GABRB3: variants seen among roughly 807,000 people sequenced by gnomAD.
The protein encoded by GABRB3 is gamma-aminobutyric acid receptor subunit beta-3.
GABRB3 carries 14 observed loss-of-function variants against 52.1 expected under a neutral mutation model. That is an observed-to-expected ratio of 0.27 (90% CI 0.18 to 0.42). The LOEUF is 0.42. Ranked by LOEUF, GABRB3 falls within the 10% of genes least tolerant of loss-of-function variation. The probability of loss-of-function intolerance (pLI) is 1.00; values close to 1 mark genes in which losing one functional copy is unlikely to be tolerated. For missense variants in GABRB3, 307 were observed against 609.1 expected, an observed-to-expected ratio of 0.50 and a Z score of 5.22; for synonymous variants, 260 against 232.3, an observed-to-expected ratio of 1.12 and a Z score of -1.08.
chr15:26,576,091 T>C (rs149098874), intron 6 of GABRB3, among the ~76,000 whole-genome samples: 360 of 152,362 alleles, frequency 2.4e-3, no homozygotes, highest in Middle Eastern at 0.01. Context: ...TGTTGATCAG[T>C]GTGTTCACAG....
chr15:26,672,040 T>C (rs1316466634), intron 3 of GABRB3, among the ~76,000 whole-genome samples: 3 of 152,302 alleles, frequency 2.0e-5, no homozygotes, highest in East Asian at 1.9e-4. Context: ...TTACCCTGTA[T>C]CCTTCTTGTT....
At chr15:26,610,051 G>C (rs72702187) in intron 4 of GABRB3, among the ~76,000 whole-genome samples, 14,264 of 152,128 alleles carry the variant, frequency 0.094, 781 homozygotes, top group Admixed American at 0.16. Context: ...ACCACATCTG[G>C]ACAATGAGAG....
chr15:26,578,228 C>T (rs909389930), intron 6 of GABRB3, among the ~76,000 whole-genome samples: 1 of 152,208 alleles, frequency 6.6e-6, no homozygotes, highest in African/African-American at 2.4e-5. Context: ...ATCTTTAGAA[C>T]ACTGCAACTT....
At chr15:26,711,907 C>G (rs796083939) in intron 3 of GABRB3, among the ~76,000 whole-genome samples, 37 of 152,314 alleles carry the variant, frequency 2.4e-4, no homozygotes, top group African/African-American at 8.9e-4. Flanking sequence ...GGAAAAGCTG[C>G]TTTGGAAACA....
intron 3 of GABRB3, among the ~76,000 whole-genome samples, chr15:26,718,412 TG>T (rs1432301762): frequency 6.6e-6 from 1 of 152,176 alleles, no homozygotes; most frequent in African/African-American, 2.4e-5. Context: ...TTTCTCCATG[TG>T]GGTCAGGCTG....
chr15:26,636,142 C>G (rs990419861), intron 3 of GABRB3, among the ~76,000 whole-genome samples: 1 of 152,116 alleles, frequency 6.6e-6, no homozygotes, highest in African/African-American at 2.4e-5. Context: ...AGCACAGTGC[C>G]GAAGGAGGGA....
At position 26,627,208 on chromosome 15, in the gene GABRB3, T is replaced by A. The variant is rs565696064; in HGVS notation, c.241-5674A>T. ...TTAACCCACAGTTGAGACCTTCTGCTCAGAAAAAACATTCCTTTCAAAATG... is the reference window on the plus strand; with the variant it reads ...TTAACCCACAGTTGAGACCTTCTGCACAGAAAAAACATTCCTTTCAAAATG... On this transcript the variant is annotated intron_variant, in intron 3 of 8. Transcript: ENST00000311550. Among the ~76,000 whole-genome samples, 618 of 145,808 alleles carry A rather than the reference T, an allele frequency of 4.2e-3. 3 individuals carry two copies. Among genetic ancestry groups the A allele is most frequent in the African/African-American group, 0.015 (599 of 39,464 alleles).
intron 3 of GABRB3, among the ~76,000 whole-genome samples, chr15:26,702,386 A>C (rs1171760997): frequency 6.6e-6 from 1 of 152,144 alleles, no homozygotes; most frequent in Admixed American, 6.5e-5. Flanking sequence ...TAAGGAAATA[A>C]ACAACTCCAT....
At chr15:26,647,034 G>A (rs965639617) in intron 3 of GABRB3, among the ~76,000 whole-genome samples, 2 of 151,990 alleles carry the variant, frequency 1.3e-5, no homozygotes, top group Admixed American at 6.6e-5. Flanking sequence ...TAGTATAGAC[G>A]GGGTTTCACC....
At chr15:26,570,492 C>T (rs544660475) in intron 6 of GABRB3, among the ~76,000 whole-genome samples, 1 of 152,310 alleles carries the variant, frequency 6.6e-6, no homozygotes, top group East Asian at 1.9e-4. Flanking sequence ...ATGCCACAGT[C>T]AAAATCTTCT....
At chr15:26,636,140 G>T (rs959286843) in intron 3 of GABRB3, among the ~76,000 whole-genome samples, 6 of 152,206 alleles carry the variant, frequency 3.9e-5, no homozygotes, top group African/African-American at 7.2e-5. Flanking sequence ...CAAGCACAGT[G>T]CCGAAGGAGG....
intron 3 of GABRB3, among the ~76,000 whole-genome samples, chr15:26,684,311 A>C (rs1888333229): frequency 6.6e-6 from 1 of 152,158 alleles, no homozygotes; most frequent in South Asian, 2.1e-4. Flanking sequence ...CGCAGGGTGG[A>C]GGTCTGGTGG....
rs1481075941 is a variant in GABRB3 at position 26,556,894 on chromosome 15, C to T, written c.1080+4038G>A. 1.2e-4 allele frequency among the ~76,000 whole-genome samples: 19 copies of T among 152,046 alleles called. 2 individuals are homozygous for T. The South Asian group carries it at 2.1e-3, about 17-fold the overall frequency. Reference sequence around the variant, plus strand: ...CAAGAAAGACAATGACAAGCCAAGTCCCTGCTGTGGAGCCAGCAGCTGTCA... The same window carrying T: ...CAAGAAAGACAATGACAAGCCAAGTTCCTGCTGTGGAGCCAGCAGCTGTCA... On this transcript the variant is annotated intron_variant, in intron 8 of 8. Transcript: ENST00000311550.
intron 3 of GABRB3, among the ~76,000 whole-genome samples, chr15:26,683,347 G>A (rs1198082097): frequency 7.0e-6 from 1 of 143,804 alleles, no homozygotes; most frequent in Non-Finnish European, 1.5e-5. Context: ...GCACCCACCT[G>A]GAGTTTCAGA....
intron 5 of GABRB3, 93 bp downstream of exon 5, chr15:26,583,239 A>C (rs1182553828): frequency 1.9e-6 from 2 of 1,030,230 alleles, no homozygotes; most frequent in Non-Finnish European, 3.0e-6. Context: ...ATGTCAAAAA[A>C]ATTATGGATG....
At chr15:26,635,048 A>G (rs1055663713) in intron 3 of GABRB3, among the ~76,000 whole-genome samples, 13 of 134,944 alleles carry the variant, frequency 9.6e-5, no homozygotes, top group Non-Finnish European at 1.9e-4. Flanking sequence ...GAGAGACTTT[A>G]TATGTTGAAA....
intron 3 of GABRB3, among the ~76,000 whole-genome samples, chr15:26,653,305 C>T (rs781419886): frequency 2.0e-5 from 3 of 152,164 alleles, no homozygotes; most frequent in Non-Finnish European, 4.4e-5. Context: ...TGGATAACAT[C>T]ACTATTGTAA....
Position 26,547,706 on chromosome 15 carries a change from G to A in GABRB3, c.*87C>T. On this transcript the variant is annotated 3_prime_UTR_variant, in exon 9 of 9. Coordinates refer to ENST00000311550, the MANE Select transcript of GABRB3 (RefSeq NM_000814.6). The stretch of plus-strand genomic sequence containing the variant: ...TATGTGTGTGTCTGCTTGTGTGTCT[G>A]TGTGTGTACAGGTATAAAAACTTGA... The A allele has an allele frequency of 1.0e-6, 1 of 976,972 alleles. No individual in the cohort carries two copies. Among genetic ancestry groups the A allele is most frequent in the Admixed American group, 1.8e-5 (1 of 56,988 alleles). 60.5% of individuals were successfully genotyped at this position (976,972 alleles called of 1,614,324 possible). A position where few individuals can be genotyped will look rare whatever the true frequency, so the allele number is the denominator to read the frequency against.
intron 3 of GABRB3, among the ~76,000 whole-genome samples, chr15:26,665,188 T>C (rs1887671750): frequency 6.6e-6 from 1 of 152,224 alleles, no homozygotes; most frequent in Non-Finnish European, 1.5e-5. Flanking sequence ...CACTAGATCT[T>C]ATTCATTGTA....
Sources: gnomAD v4.1 joint callset for allele counts (sites outside exome capture counted in the v4.1 genomes callset) on GRCh38, gnomAD v4.1.1 for gene constraint, MANE v1.5 for transcripts, NCBI Gene and HGNC (gene_info 2026-07-23, HGNC 2026-07-21) for gene names.